Variants in TTI1 observed in about 807,000 individuals in gnomAD.
The protein encoded by TTI1 is TELO2-interacting protein 1 homolog.
TTI1 carries 52 observed loss-of-function variants against 85.4 expected under a neutral mutation model. The observed-to-expected ratio is 0.61, with a 90% confidence interval of 0.49 to 0.77. TTI1 has a LOEUF of 0.77. Among genes scored for constraint, TTI1 ranks in the 30% least tolerant of loss-of-function variants. TTI1 has a pLI of 0.00. For synonymous variants in TTI1, 512 were observed against 503.9 expected (o/e 1.02, Z -0.22); for missense variants, 1,173 against 1,296.0 (o/e 0.91, Z 1.46).
chr20:38,022,395 CTGTT>C (rs2073782262), intron 1 of TTI1, among the ~76,000 whole-genome samples: 1 of 152,120 alleles, frequency 6.6e-6, no homozygotes, highest in Admixed American at 6.5e-5. Flanking sequence ...GATCATCTAC[CTGTT>C]TGTTTACTGT....
At chr20:38,023,584 T>C (rs899856755) in intron 1 of TTI1, among the ~76,000 whole-genome samples, 3 of 152,238 alleles carry the variant, frequency 2.0e-5, no homozygotes, top group African/African-American at 7.2e-5. Flanking sequence ...GACTACTATC[T>C]TGGGTTAAAA....
chr20:37,985,161 T>C (rs955695363), intron 7 of TTI1, among the ~76,000 whole-genome samples: 5 of 152,184 alleles, frequency 3.3e-5, no homozygotes, highest in East Asian at 3.8e-4. Context: ...ATTCCAAAAA[T>C]GGGGGATGTA....
intron 7 of TTI1, among the ~76,000 whole-genome samples, chr20:37,983,997 T>C (rs769931441): frequency 6.6e-6 from 1 of 152,206 alleles, no homozygotes; most frequent in Non-Finnish European, 1.5e-5. Flanking sequence ...GTGTACCCTT[T>C]CTTAAAGGCT....
intron 7 of TTI1, among the ~76,000 whole-genome samples, chr20:37,985,277 A>G (rs972627659): frequency 6.6e-6 from 1 of 152,152 alleles, no homozygotes; most frequent in Non-Finnish European, 1.5e-5. Context: ...TATTTGATAA[A>G]TCACATTTTA....
At chr20:38,016,537 C>A (rs909962053) in intron 1 of TTI1, among the ~76,000 whole-genome samples, 1 of 152,206 alleles carries the variant, frequency 6.6e-6, no homozygotes, top group Non-Finnish European at 1.5e-5. Context: ...TTGACCTCAT[C>A]GCTTTCTGCC....
In TTI1 at chr20:38,011,647, G is replaced by A. The variant is rs537208197; in HGVS notation, c.2170C>T (p.Arg724Trp). 98 of 1,614,100 alleles carry A rather than the reference G, an allele frequency of 6.1e-5. No homozygotes were observed. The highest frequency in any genetic ancestry group is 8.9e-5 in the East Asian group (4 of 44,902). Residue 724 changes from arginine to tryptophan, a missense_variant, in exon 2 of 8, where the codon CGG (arginine) becomes TGG (tryptophan). Arg to Trp is a moderately radical substitution (Grantham distance 101). Transcript: ENST00000373447. ...HTPKVLEVMLRNSDANLLPLV... is the reference protein window; with the variant it reads ...HTPKVLEVMLWNSDANLLPLV... Reference sequence around the variant, plus strand: ...GGAAGCAGGTTAGCATCTGAGTTCCGCAGCATGACTTCCAGGACCTTTGGG... The same window carrying A: ...GGAAGCAGGTTAGCATCTGAGTTCCACAGCATGACTTCCAGGACCTTTGGG...
rs1200951298 is a variant in TTI1 at position 38,006,336 on chromosome 20, C to T, written c.2364G>A (p.Glu788=). 3 of 1,614,076 alleles carry T rather than the reference C, an allele frequency of 1.9e-6. No individual in the cohort carries two copies. Among genetic ancestry groups the T allele is most frequent in the Non-Finnish European group, 1.7e-6 (2 of 1,180,048 alleles). The change falls in exon 3 of 8, where the codon GAG becomes GAA. Residue 788 remains glutamate (E), a synonymous_variant. Transcript: ENST00000373447. ...GHLQEQSLGE[E]GSHLNQRPAA... is the part of the protein sequence containing the mutation. ...CTGGTCTTTGGTTCAAATGACTTCCCTCTTCTCCTAAACTTTGCTCTTGGA... is the reference window on the plus strand; with the variant it reads ...CTGGTCTTTGGTTCAAATGACTTCCTTCTTCTCCTAAACTTTGCTCTTGGA...
chr20:38,026,727 G>C (rs1568632714), intron 1 of TTI1, among the ~76,000 whole-genome samples: 2 of 152,200 alleles, frequency 1.3e-5, no homozygotes, highest in South Asian at 4.1e-4. Context: ...GGAACATTAA[G>C]GGGGAAGAAA....
chr20:38,006,923 C>T (rs946664110), intron 2 of TTI1, among the ~76,000 whole-genome samples: 1 of 152,200 alleles, frequency 6.6e-6, no homozygotes, highest in Non-Finnish European at 1.5e-5. Context: ...GTTCCAGCAT[C>T]TCTATTCCTT....
In TTI1 at chr20:37,983,361, T is replaced by G. The variant is rs997573853; in HGVS notation, c.*95A>C. The G allele has an allele frequency of 8.5e-6, 11 of 1,297,124 alleles. No individual in the cohort carries two copies. The highest frequency in any genetic ancestry group is 1.2e-5 in the Non-Finnish European group (11 of 950,762). The allele number at this position is 1,297,124 out of a possible 1,614,324, so 80.4% of individuals were successfully genotyped here. ...TGGCTAACTAATTCACCTTCTCTGC[T>G]GCCGCTGCCACCGCCTATGGCCGGG... On this transcript the variant is annotated 3_prime_UTR_variant, in exon 8 of 8. Coordinates refer to ENST00000373447, the MANE Select transcript of TTI1 (RefSeq NM_001303457.2).
chr20:38,028,894 A>G (rs1308402093), intron 1 of TTI1, among the ~76,000 whole-genome samples: 1 of 152,094 alleles, frequency 6.6e-6, no homozygotes, highest in Non-Finnish European at 1.5e-5. Flanking sequence ...TTTTTTAAAG[A>G]CCGAGTTTCG....
intron 1 of TTI1, among the ~76,000 whole-genome samples, chr20:38,018,296 AT>A (rs1269763570): frequency 2.6e-5 from 4 of 152,228 alleles, no homozygotes; most frequent in Non-Finnish European, 5.9e-5. Context: ...TATAAAAAAA[AT>A]CAAATGGATA....
chr20:38,007,226 AG>A (rs1346260354), intron 2 of TTI1, among the ~76,000 whole-genome samples: 1 of 152,268 alleles, frequency 6.6e-6, no homozygotes, highest in Non-Finnish European at 1.5e-5. Context: ...CAGGCTTTAC[AG>A]AGTCTTGAGA....
chr20:38,012,637 C>A lies in TTI1; in HGVS notation c.1180G>T (p.Asp394Tyr). The A allele has an allele frequency of 6.2e-7, 1 of 1,614,142 alleles. No homozygotes were observed. Among genetic ancestry groups the A allele is most frequent in the South Asian group, 1.1e-5 (1 of 91,040 alleles). Residue 394 changes from aspartate (D) to tyrosine (Y), a missense_variant, in exon 2 of 8, where the codon GAC becomes TAC. Transcript: ENST00000373447. ...GAAAGAGTAGAGAATTTGCCCTGGT[C>A]ATCTTGGGAGTTCATTAGGCGAGGA... Reference protein sequence around the residue: ...SLPRLMNSQDDQGKFSTLSLL... With the variant: ...SLPRLMNSQDYQGKFSTLSLL...
chr20:37,989,850 TCAGAAACAGCTC>T (rs1436848603), intron 7 of TTI1, among the ~76,000 whole-genome samples: 2 of 152,242 alleles, frequency 1.3e-5, no homozygotes, highest in Non-Finnish European at 2.9e-5. Flanking sequence ...ACGGATGCCT[TCAGAAACAGCTC>T]TAGGAAATGT....
At chr20:38,005,369 C>A (rs973537900) in intron 3 of TTI1, among the ~76,000 whole-genome samples, 1 of 152,112 alleles carries the variant, frequency 6.6e-6, no homozygotes, top group Non-Finnish European at 1.5e-5. Context: ...AATAAAACAA[C>A]AGGCCAGAGC....
intron 1 of TTI1, among the ~76,000 whole-genome samples, chr20:38,015,217 G>A (rs1265841703): frequency 1.3e-5 from 2 of 152,174 alleles, no homozygotes; most frequent in Non-Finnish European, 2.9e-5. Flanking sequence ...TCCCCATGGA[G>A]AGACTCTGAT....
At chr20:38,000,040 A>G (rs2073399244) in intron 4 of TTI1, among the ~76,000 whole-genome samples, 1 of 152,200 alleles carries the variant, frequency 6.6e-6, no homozygotes, top group Non-Finnish European at 1.5e-5. Context: ...AGAGGAGCAA[A>G]GTGATGTGGC....
At chr20:38,024,488 T>C (rs2073811268) in intron 1 of TTI1, among the ~76,000 whole-genome samples, 1 of 152,048 alleles carries the variant, frequency 6.6e-6, no homozygotes, top group Admixed American at 6.5e-5. Context: ...TTCTGCCTCA[T>C]AGACCCAAGC....
Sources: gnomAD v4.1 joint callset for allele counts (sites outside exome capture counted in the v4.1 genomes callset) on GRCh38, gnomAD v4.1.1 for gene constraint, MANE v1.5 for transcripts, NCBI Gene and HGNC (gene_info 2026-07-23, HGNC 2026-07-21) for gene names.